PRMT9: variants seen among roughly 807,000 people sequenced by gnomAD.
PRMT9 encodes protein arginine N-methyltransferase 9.
Under a neutral mutation model 83.2 loss-of-function variants are expected in PRMT9, and 59 were observed. That is an observed-to-expected ratio of 0.71 (90% CI 0.57 to 0.88). The LOEUF (loss-of-function observed/expected upper bound fraction) is 0.88. Among genes scored for constraint, PRMT9 ranks in the 40% least tolerant of loss-of-function variants. The probability of loss-of-function intolerance (pLI) is 0.00; values close to 1 mark genes in which losing one functional copy is unlikely to be tolerated. For synonymous variants in PRMT9, 333 were observed against 353.2 expected (o/e 0.94, Z 0.64); for missense variants, 947 against 1,021.9 (o/e 0.93, Z 1.00).
chr4:147,673,647 C>G lies in PRMT9; in HGVS notation c.566G>C (p.Gly189Ala), dbSNP rs1334878813. 1 of 1,598,820 alleles carries G rather than the reference C, an allele frequency of 6.3e-7. No individual in the cohort carries two copies. Among genetic ancestry groups the G allele is most frequent in the African/African-American group, 1.3e-5 (1 of 74,550 alleles). ...TGCAATTACTACCAACCTTAGTATT[C>G]CAGTTCCTGCTCCAATGTCCAAAAC... Reference protein sequence around the residue: ...KSVLDIGAGTGILSMFAKKAG... With the variant: ...KSVLDIGAGTAILSMFAKKAG... Residue 189 changes from glycine (G) to alanine (A), a missense_variant, in exon 3 of 12, where the codon GGA (glycine) becomes GCA (alanine). By Grantham distance (60) the Gly-to-Ala change is moderately conservative. Transcript: ENST00000322396.
Position 147,637,926 on chromosome 4 carries a change from C to T in PRMT9, c.*606G>A, listed in dbSNP as rs960482646. The T allele has an allele frequency of 1.3e-5, 2 of 152,494 alleles. No homozygotes were observed. Among genetic ancestry groups the T allele is most frequent in the African/African-American group, 4.8e-5 (2 of 41,446 alleles). 9.4% of individuals were successfully genotyped at this position (152,494 alleles called of 1,614,324 possible). A position where few individuals can be genotyped will look rare whatever the true frequency, so the allele number is the denominator to read the frequency against. ...CCTTCAATTTAACTTTGTTTTGTTA[C>T]CAGCTTTTAAATGTTCTTTTGCCAA... On this transcript the variant is annotated 3_prime_UTR_variant, in exon 12 of 12. Transcript: ENST00000322396.
At position 147,654,097 on chromosome 4, in the gene PRMT9, T is replaced by C. The variant is rs2126593973; in HGVS notation, c.1800A>G (p.Thr600=). ...GFSVLPVIAG[T]LGQVKPYSSV... ...AACTGTATGGTTTAACCTGCCCAAG[T>C]GTGCCAGCAATAACAGGCAGAACAG... Residue 600 remains threonine, a synonymous_variant, in exon 9 of 12, where the codon ACA becomes ACG. Transcript: ENST00000322396. The C allele has an allele frequency of 3.1e-6, 5 of 1,614,220 alleles. No homozygotes were observed. The highest frequency in any genetic ancestry group is 3.4e-6 in the Non-Finnish European group (4 of 1,180,046).
At chr4:147,667,786 G>C (rs1031889048) in intron 6 of PRMT9, among the ~76,000 whole-genome samples, 1 of 152,032 alleles carries the variant, frequency 6.6e-6, no homozygotes, top group African/African-American at 2.4e-5. Flanking sequence ...CAGTATTAGT[G>C]AAATTATTAA....
Position 147,664,723 on chromosome 4 carries a change from C to T in PRMT9, c.954-3685G>A, listed in dbSNP as rs541881586. Among the ~76,000 whole-genome samples, 7 of 152,146 alleles carry T rather than the reference C, an allele frequency of 4.6e-5. No individual in the cohort carries two copies. The East Asian group carries it at 5.8e-4, about 13-fold the overall frequency. ...AACCTAGATGATGGGTTGATAGGTG[C>T]GGCAAACCACCATGGCACATGTATA... On this transcript the variant is annotated intron_variant, in intron 6 of 11. Transcript: ENST00000322396.
intron 9 of PRMT9, among the ~76,000 whole-genome samples, chr4:147,649,846 C>T (rs1336585362): frequency 6.6e-6 from 1 of 152,170 alleles, no homozygotes; most frequent in African/African-American, 2.4e-5. Flanking sequence ...GGCACAGTGG[C>T]TCACACCTGT....
At chr4:147,651,389 C>G (rs968437663) in intron 9 of PRMT9, among the ~76,000 whole-genome samples, 1 of 151,900 alleles carries the variant, frequency 6.6e-6, no homozygotes, top group African/African-American at 2.4e-5. Context: ...ACAAATAGGA[C>G]TAAATCAAAT....
chr4:147,653,242 C>T (rs1054767102), intron 9 of PRMT9, among the ~76,000 whole-genome samples: 27 of 151,636 alleles, frequency 1.8e-4, no homozygotes, highest in African/African-American at 2.7e-4. Context: ...TGAGGTCAGG[C>T]GTTCAAAACC....
Position 147,654,449 on chromosome 4 carries a change from CT to C in PRMT9, c.1447del (p.Ser483ValfsTer11). On this transcript the variant is annotated frameshift_variant, in exon 9 of 12. Coordinates refer to ENST00000322396, the MANE Select transcript of PRMT9 (RefSeq NM_138364.4). LOFTEE classifies it high-confidence loss of function. ...TAACAAGTCTTTATTCTGGGTAAAA[CT>C]TTTTGCAACATCCATTTCACATTCC... ...GLECEMDVAK[S>X]FTQNKDLLSL... is the part of the protein sequence containing the mutation. 1 of 1,613,994 alleles carries C rather than the reference CT, an allele frequency of 6.2e-7. No homozygotes were observed.
intron 9 of PRMT9, among the ~76,000 whole-genome samples, chr4:147,652,764 C>T (rs2126591157): frequency 6.8e-6 from 1 of 147,950 alleles, no homozygotes; most frequent in South Asian, 2.1e-4. Context: ...TAATACTGAA[C>T]TCTCGTTGGT....
chr4:147,653,313 G>C (rs1734242324), intron 9 of PRMT9, among the ~76,000 whole-genome samples: 2 of 151,978 alleles, frequency 1.3e-5, no homozygotes, highest in African/African-American at 4.8e-5. Flanking sequence ...CTGGTGGGGT[G>C]TGCCTGTAAT....
At chr4:147,668,432 C>A (rs1448043427) in intron 6 of PRMT9, 107 bp downstream of exon 6, 2 of 738,142 alleles carry the variant, frequency 2.7e-6, no homozygotes, top group Admixed American at 2.0e-5. Flanking sequence ...TTTCCTGAGG[C>A]CTCCTCAGCA....
Position 147,657,986 on chromosome 4 carries a change from T to C in PRMT9, c.1147-11A>G. On this transcript the variant is annotated splice_polypyrimidine_tract_variant and intron_variant, in intron 7 of 11. Transcript: ENST00000322396. Reference sequence around the variant, plus strand: ...AAGACTTTTTAATTCCTGAGAAAAATGTAGAAGGAATGAAACGGTTTTATA... The same window carrying C: ...AAGACTTTTTAATTCCTGAGAAAAACGTAGAAGGAATGAAACGGTTTTATA... 2 of 1,559,568 alleles carry C rather than the reference T, an allele frequency of 1.3e-6. No individual in the cohort carries two copies. Among genetic ancestry groups the C allele is most frequent in the Admixed American group, 1.7e-5 (1 of 58,334 alleles).
At chr4:147,639,117 T>A (rs1560961622) in intron 10 of PRMT9, 35 bp from the exon 11 acceptor site, 2 of 1,610,826 alleles carry the variant, frequency 1.2e-6, no homozygotes, top group Non-Finnish European at 1.7e-6. Flanking sequence ...TTTCACTTTT[T>A]CTTTTTGTGG....
Position 147,659,315 on chromosome 4 carries a change from C to T in PRMT9, c.1147-1340G>A, listed in dbSNP as rs1017003080. The stretch of plus-strand genomic sequence containing the variant: ...ACTCGGGAGGCTGAAGCAGGAGAAT[C>T]ACTTGAACCCGAAAAGTGGAGGCTG... On this transcript the variant is annotated intron_variant, in intron 7 of 11. Coordinates refer to ENST00000322396, the MANE Select transcript of PRMT9 (RefSeq NM_138364.4). 2.7e-5 allele frequency among the ~76,000 whole-genome samples: 4 copies of T among 150,896 alleles called. No individual in the cohort carries two copies. The South Asian group carries it at 8.4e-4, about 32-fold the overall frequency.
chr4:147,653,086 T>C (rs1055280698), intron 9 of PRMT9, among the ~76,000 whole-genome samples: 3 of 152,166 alleles, frequency 2.0e-5, no homozygotes, highest in Non-Finnish European at 2.9e-5. Flanking sequence ...ATCCTCTTCC[T>C]AGCCTTTTCA....
At chr4:147,664,932 T>C (rs886217045) in intron 6 of PRMT9, among the ~76,000 whole-genome samples, 2 of 151,438 alleles carry the variant, frequency 1.3e-5, no homozygotes, top group Non-Finnish European at 2.9e-5. Flanking sequence ...CTGGCCAACA[T>C]GATGAAACCC....
intron 9 of PRMT9, among the ~76,000 whole-genome samples, chr4:147,650,022 A>G (rs938345495): frequency 6.6e-6 from 1 of 152,184 alleles, no homozygotes; most frequent in Non-Finnish European, 1.5e-5. Context: ...GAAGGAAACT[A>G]CCTCAACATA....
In PRMT9 at chr4:147,654,410, T is replaced by G; in HGVS notation, c.1487A>C (p.Glu496Ala). The part of the protein sequence containing the change: ...QNKDLLSLGN[E>A]AELCSALANL... Reference sequence around the variant, plus strand: ...AGCGAGGGCACTACAAAGTTCAGCCTCATTTCCTAACGATAACAAGTCTTT... The same window carrying G: ...AGCGAGGGCACTACAAAGTTCAGCCGCATTTCCTAACGATAACAAGTCTTT... The change falls in exon 9 of 12, where the codon GAG becomes GCG. Residue 496 changes from glutamate (E) to alanine (A), a missense_variant. Transcript: ENST00000322396. 6.2e-7 allele frequency: 1 copy of G among 1,614,228 alleles called. No homozygotes were observed. Among genetic ancestry groups the G allele is most frequent in the Non-Finnish European group, 8.5e-7 (1 of 1,180,032 alleles).
At position 147,638,395 on chromosome 4, in the gene PRMT9, A is replaced by T; in HGVS notation, c.*137T>A. The T allele has an allele frequency of 1.5e-6, 1 of 685,394 alleles. No homozygotes were observed. The highest frequency in any genetic ancestry group is 2.6e-6 in the Non-Finnish European group (1 of 389,840). 42.5% of individuals were successfully genotyped at this position (685,394 alleles called of 1,614,324 possible). A position where few individuals can be genotyped will look rare whatever the true frequency, so the allele number is the denominator to read the frequency against. ...GCTACCCTTTTATTTAGAATCTTTT[A>T]AAATATGCTTTATTAATGTCAATTT... On this transcript the variant is annotated 3_prime_UTR_variant, in exon 12 of 12. Transcript: ENST00000322396.
Sources: allele counts gnomAD v4.1 joint callset (sites outside exome capture counted in the v4.1 genomes callset), GRCh38; gene constraint gnomAD v4.1.1; transcripts MANE v1.5; gene names NCBI Gene and HGNC (gene_info 2026-07-23, HGNC 2026-07-21).